CFAP46: variants seen among roughly 807,000 people sequenced by gnomAD.
The protein encoded by CFAP46 is cilia- and flagella-associated protein 46.
Under a neutral mutation model 325.7 loss-of-function variants are expected in CFAP46, and 245 were observed. The observed-to-expected ratio is 0.75, with a 90% CI of 0.68 to 0.84. CFAP46 has a LOEUF of 0.84. Among genes scored for constraint, CFAP46 ranks in the 40% least tolerant of loss-of-function variants. CFAP46 has a pLI of 0.00. For missense variants in CFAP46, 3,346 were observed against 3,543.0 expected (o/e 0.94, Z 1.41); for synonymous variants, 1,523 against 1,495.9 (o/e 1.02, Z -0.42).
Position 132,926,594 on chromosome 10 carries a change from T to C in CFAP46, c.1039A>G (p.Lys347Glu). ...TCAACAGCCGCTCGGTTGTACACTT[T>C]CATCTTACTTTCAAGTCTTAAAGCT... ...SEALRLESKM[K>E]VYNRAAVEAQ... is the part of the protein sequence containing the mutation. The change falls in exon 10 of 58, where the codon AAA (lysine) becomes GAA (glutamate). Residue 347 changes from lysine (K) to glutamate (E), a missense_variant. Lys to Glu is a moderately conservative substitution (Grantham distance 56). Transcript: ENST00000368586. The C allele has an allele frequency of 6.5e-7, 1 of 1,536,194 alleles. No homozygotes were observed. The highest frequency in any genetic ancestry group is 8.7e-7 in the Non-Finnish European group (1 of 1,146,906).
chr10:132,879,763 T>G (rs1204929979), intron 28 of CFAP46, 132 bp from the exon 29 acceptor site: 1 of 917,968 alleles, frequency 1.1e-6, no homozygotes, highest in Non-Finnish European at 1.5e-6. Context: ...TCCACTCTGC[T>G]GAGGGCCGGC....
rs535562854 is a variant in CFAP46, at chr10:132,916,624, G to A, written c.2045C>T (p.Pro682Leu). The A allele has an allele frequency of 2.6e-6, 4 of 1,540,600 alleles. No individual in the cohort carries two copies. Among genetic ancestry groups the A allele is most frequent in the Admixed American group, 2.0e-5 (1 of 49,554 alleles). The change falls in exon 17 of 58, where the codon CCC becomes CTC. Residue 682 changes from proline to leucine, a missense_variant. Transcript: ENST00000368586. ...GVELNDRAIP[P>L]EDLSQHPAGY... The stretch of plus-strand genomic sequence containing the variant: ...AGCTGGGTGCTGGCTCAGGTCTTCG[G>A]GGGGGATGGCCCGGTCATTCAGCTC...
intron 22 of CFAP46, among the ~76,000 whole-genome samples, chr10:132,903,666 C>T (rs1418103611): frequency 6.6e-6 from 1 of 152,218 alleles, no homozygotes; most frequent in Non-Finnish European, 1.5e-5. Flanking sequence ...TTTTTCACAG[C>T]ACAAGAGTAC....
intron 4 of CFAP46, among the ~76,000 whole-genome samples, chr10:132,940,755 T>A (rs941394648): frequency 3.3e-5 from 5 of 152,118 alleles, no homozygotes; most frequent in Admixed American, 2.0e-4. Flanking sequence ...AAACAGACTC[T>A]TCACAGCCAT....
chr10:132,812,349 C>T (rs531258830), intron 55 of CFAP46, among the ~76,000 whole-genome samples: 7 of 152,326 alleles, frequency 4.6e-5, no homozygotes, highest in Non-Finnish European at 1.0e-4. Flanking sequence ...AGCCCCTCCA[C>T]GGCTGGTGGA....
At chr10:132,835,225 C>T (rs1360047526) in intron 47 of CFAP46, 79 bp downstream of exon 47, 1 of 1,563,682 alleles carries the variant, frequency 6.4e-7, no homozygotes, top group East Asian at 2.3e-5. Flanking sequence ...CCCCTCCCCC[C>T]ACCTCGCCAG....
In CFAP46 at chr10:132,834,903, C is replaced by A. The variant is rs142053406; in HGVS notation, c.6745-128G>T. ...GCAAACAGCATGGTGGACAAGGGCA[C>A]CTGGCTCGGCAACGAGGGCCCCATA... On this transcript the variant is annotated intron_variant, in intron 47 of 57. Transcript: ENST00000368586. 2.3e-6 allele frequency: 3 copies of A among 1,330,570 alleles called. No homozygotes were observed. The African/African-American group carries it at 4.4e-5, about 20-fold the overall frequency. The allele number at this position is 1,330,570 out of a possible 1,614,324, so 82.4% of individuals were successfully genotyped here.
rs146834240 is a variant in CFAP46 at position 132,920,367 on chromosome 10, T to C, written c.1607-185A>G. ...CAGAGCTGCAGAGTGGCATTGCCTG[T>C]GTCTCCTGCCGGCGATGAGGCCGAG... On this transcript the variant is annotated intron_variant, in intron 13 of 57. Transcript: ENST00000368586. 2.0e-4 allele frequency among the ~76,000 whole-genome samples: 30 copies of C among 152,268 alleles called. 1 individual carries two copies. The East Asian group carries it at 5.8e-3, about 29-fold the overall frequency.
At chr10:132,831,140 C>T (rs1848140352) in intron 50 of CFAP46, among the ~76,000 whole-genome samples, 1 of 151,892 alleles carries the variant, frequency 6.6e-6, no homozygotes, top group African/African-American at 2.4e-5. Flanking sequence ...GTCAGAGAAC[C>T]TACTGTGGGT....
intron 19 of CFAP46, among the ~76,000 whole-genome samples, chr10:132,911,342 A>C (rs1297518574): frequency 6.6e-6 from 1 of 152,120 alleles, no homozygotes; most frequent in African/African-American, 2.4e-5. Context: ...GAGCGTTGTG[A>C]GTGCCGGGCC....
intron 25 of CFAP46, among the ~76,000 whole-genome samples, chr10:132,890,435 C>T (rs1849238546): frequency 6.6e-6 from 1 of 152,216 alleles, no homozygotes; most frequent in African/African-American, 2.4e-5. Flanking sequence ...ACTTGGACCC[C>T]CGTCACTCCT....
chr10:132,894,287 G>A (rs140644637), intron 24 of CFAP46, among the ~76,000 whole-genome samples: 386 of 152,310 alleles, frequency 2.5e-3, no homozygotes, highest in Non-Finnish European at 4.1e-3. Flanking sequence ...GAACATCTAA[G>A]TTGGTTTCAT....
At chr10:132,937,415 T>C in intron 6 of CFAP46, 137 bp downstream of exon 6, 1 of 934,194 alleles carries the variant, frequency 1.1e-6, no homozygotes, top group Non-Finnish European at 1.6e-6. Flanking sequence ...AATATGCTTA[T>C]GTAATTTTGT....
At chr10:132,862,075 C>T (rs571331018) in intron 35 of CFAP46, among the ~76,000 whole-genome samples, 12 of 152,372 alleles carry the variant, frequency 7.9e-5, no homozygotes, top group South Asian at 6.2e-4. Context: ...GACCGCCAGA[C>T]GGCGTAGGCA....
In CFAP46 at chr10:132,850,314, C is replaced by T; in HGVS notation, c.5882G>A (p.Arg1961Lys). 2 of 1,551,608 alleles carry T rather than the reference C, an allele frequency of 1.3e-6. No homozygotes were observed. The highest frequency in any genetic ancestry group is 2.4e-5 in the South Asian group (2 of 84,152). ...IRARLLGLAG[R>K]ALHLLAMQAD... Reference sequence around the variant, plus strand: ...TTGCATGGCCAGCAGGTGCAGGGCCCTCCCGGCCAGGCCCAGGAGCCGGGC... The same window carrying T: ...TTGCATGGCCAGCAGGTGCAGGGCCTTCCCGGCCAGGCCCAGGAGCCGGGC... The change falls in exon 41 of 58, where the codon AGG (arginine) becomes AAG (lysine). Residue 1961 changes from arginine (R) to lysine (K), a missense_variant. Coordinates refer to ENST00000368586, the MANE Select transcript of CFAP46 (RefSeq NM_001200049.3).
At chr10:132,935,607 G>A (rs111750327) in intron 7 of CFAP46, among the ~76,000 whole-genome samples, 8,460 of 40,106 alleles carry the variant, frequency 0.21, 770 homozygotes, top group African/African-American at 0.35. Flanking sequence ...TGATCTCCTC[G>A]CTCCCCTCGG....
intron 35 of CFAP46, among the ~76,000 whole-genome samples, chr10:132,862,965 G>C (rs1473307446): frequency 6.6e-6 from 1 of 152,128 alleles, no homozygotes; most frequent in Non-Finnish European, 1.5e-5. Flanking sequence ...TCAGGCAAGA[G>C]GGCGGGAAAG....
chr10:132,870,466 C>G (rs1187120580), intron 32 of CFAP46, among the ~76,000 whole-genome samples: 1 of 152,144 alleles, frequency 6.6e-6, no homozygotes, highest in Non-Finnish European at 1.5e-5. Flanking sequence ...GTTAACCAAG[C>G]TGTAAGTGTG....
chr10:132,858,294 GGGGC>G, intron 38 of CFAP46, among the ~76,000 whole-genome samples: 1 of 143,140 alleles, frequency 7.0e-6, no homozygotes, highest in Non-Finnish European at 1.6e-5. Context: ...CCCCAGGTTG[GGGGC>G]AGGGAGGTGG....
Sources: allele counts gnomAD v4.1 joint callset (sites outside exome capture counted in the v4.1 genomes callset), GRCh38; gene constraint gnomAD v4.1.1; transcripts MANE v1.5; gene names NCBI Gene and HGNC (gene_info 2026-07-23, HGNC 2026-07-21).